COL7A1: variants seen among roughly 807,000 people sequenced by gnomAD.
COL7A1 encodes collagen type VII alpha 1 chain.
A neutral mutation model predicts 456.2 loss-of-function variants in COL7A1; 296 were observed. The observed-to-expected ratio is 0.65, with a 90% CI of 0.59 to 0.71. The LOEUF (loss-of-function observed/expected upper bound fraction) is 0.71. Ranked by LOEUF, COL7A1 falls within the 30% of genes least tolerant of loss-of-function variation. The pLI is 0.00. For synonymous variants in COL7A1, 1,464 were observed against 1,525.9 expected (o/e 0.96, Z 0.95); for missense variants, 3,441 against 4,017.2 (o/e 0.86, Z 3.88).
At chr3:48,577,090 T>C in intron 65 of COL7A1, 63 bp from the exon 66 acceptor site, 1 of 1,593,750 alleles carries the variant, frequency 6.3e-7, no homozygotes, top group South Asian at 1.1e-5. Flanking sequence ...AGACACTACC[T>C]TGCTAGATTT....
At position 48,582,531 on chromosome 3, in the gene COL7A1, G is replaced by A. The variant is rs1459983267; in HGVS notation, c.4564-18C>T. Reference sequence around the variant, plus strand: ...GGTGGCCCCTGAATGTAGAGAAAGTGTGAGCCCAGGAGGGGAAGGGAAAGG... The same window carrying A: ...GGTGGCCCCTGAATGTAGAGAAAGTATGAGCCCAGGAGGGGAAGGGAAAGG... On this transcript the variant is annotated intron_variant, in intron 45 of 118. Coordinates refer to ENST00000681320, the MANE Select transcript of COL7A1 (RefSeq NM_000094.4). 2.5e-6 allele frequency: 4 copies of A among 1,614,034 alleles called. No individual in the cohort carries two copies. In the South Asian group the frequency reaches 3.3e-5, roughly 13 times the overall value.
In COL7A1 at chr3:48,592,195, G is replaced by A. The variant is rs761630796; in HGVS notation, c.1147C>T (p.Arg383Cys). The A allele has an allele frequency of 2.3e-5, 37 of 1,614,088 alleles. No homozygotes were observed. Among genetic ancestry groups the A allele is most frequent in the African/African-American group, 1.2e-4 (9 of 75,054 alleles). The change falls in exon 10 of 119, where the codon CGT (arginine) becomes TGT (cysteine). Residue 383 changes from arginine to cysteine, a missense_variant. By Grantham distance (180) the Arg-to-Cys change is radical. Transcript: ENST00000681320. The surrounding 1 kb of genome is among the most constrained non-coding windows in gnomAD (Gnocchi z 7.6). Reference sequence around the variant, plus strand: ...TAGTCCGTGCCAGGCTCCAAGTCACGCAGCAACACTGAACCCTGCCCAGGG... The same window carrying A: ...TAGTCCGTGCCAGGCTCCAAGTCACACAGCAACACTGAACCCTGCCCAGGG... The part of the protein sequence containing the change: ...LGPGQGSVLL[R>C]DLEPGTDYEV...
chr3:48,590,873 CGATGGCAGT>C lies in COL7A1; in HGVS notation c.1637-66_1637-58del, dbSNP rs2045646075. 1 of 1,527,066 alleles carries C rather than the reference CGATGGCAGT, an allele frequency of 6.5e-7. No individual in the cohort carries two copies. The highest frequency in any genetic ancestry group is 8.9e-7 in the Non-Finnish European group (1 of 1,129,236). The allele number at this position is 1,527,066 out of a possible 1,614,324, so 94.6% of individuals were successfully genotyped here. ...GTCAGAAAGAGACAGGGATGTGGGA[CGATGGCAGT>C]GATGGACAGGGACGCAGAGTGAGAA... On this transcript the variant is annotated intron_variant, in intron 13 of 118. Coordinates refer to ENST00000681320, the MANE Select transcript of COL7A1 (RefSeq NM_000094.4). This position sits in a 1 kb window ranked among gnomAD's most constrained non-coding sequence, Gnocchi z 4.6.
chr3:48,579,463 C>T lies in COL7A1; in HGVS notation c.5271+17G>A. ...TAAGATGGGGACTTGGCAGACGGGG[C>T]AAAGTGCATCACTCACCTGTGGGCC... On this transcript the variant is annotated intron_variant, in intron 60 of 118. Transcript: ENST00000681320. The surrounding 1 kb of genome is among the most constrained non-coding windows in gnomAD (Gnocchi z 4.4). 1 of 1,614,148 alleles carries T rather than the reference C, an allele frequency of 6.2e-7. No homozygotes were observed.
In COL7A1 at chr3:48,593,522, A is replaced by G. The variant is rs2107800926; in HGVS notation, c.426+15T>C. 1 of 1,614,080 alleles carries G rather than the reference A, an allele frequency of 6.2e-7. No homozygotes were observed. Among genetic ancestry groups the G allele is most frequent in the Non-Finnish European group, 8.5e-7 (1 of 1,179,998 alleles). On this transcript the variant is annotated intron_variant, in intron 4 of 118. Coordinates refer to ENST00000681320, the MANE Select transcript of COL7A1 (RefSeq NM_000094.4). The surrounding 1 kb of genome is among the most constrained non-coding windows in gnomAD (Gnocchi z 4.4). Reference sequence around the variant, plus strand: ...TTGGGGTCATCTTGGGAGGCATGGTAGGGGTAGGGATCACCTTGGGGACAC... The same window carrying G: ...TTGGGGTCATCTTGGGAGGCATGGTGGGGGTAGGGATCACCTTGGGGACAC...
Position 48,581,197 on chromosome 3 carries a change from C to A in COL7A1, c.4900-40G>T. 6.2e-7 allele frequency: 1 copy of A among 1,612,648 alleles called. No individual in the cohort carries two copies. The highest frequency in any genetic ancestry group is 8.5e-7 in the Non-Finnish European group (1 of 1,179,474). ...AGTCAGCCCTGGTTCCAAGAACCCC[C>A]ATGATGCTGGCAACAGCCCTACTCC... On this transcript the variant is annotated intron_variant, in intron 52 of 118. Coordinates refer to ENST00000681320, the MANE Select transcript of COL7A1 (RefSeq NM_000094.4). The surrounding 1 kb of genome is among the most constrained non-coding windows in gnomAD (Gnocchi z 5.8).
Position 48,573,912 on chromosome 3 carries a change from G to A in COL7A1, c.6502-22C>T, listed in dbSNP as rs369186629. The A allele has an allele frequency of 1.9e-6, 3 of 1,612,452 alleles. No homozygotes were observed. Among genetic ancestry groups the A allele is most frequent in the African/African-American group, 1.3e-5 (1 of 74,846 alleles). On this transcript the variant is annotated intron_variant, in intron 80 of 118. Coordinates refer to ENST00000681320, the MANE Select transcript of COL7A1 (RefSeq NM_000094.4). This position sits in a 1 kb window ranked among gnomAD's most constrained non-coding sequence, Gnocchi z 5.5. ...GACCCTACATAGAGAGGGCACTGAT[G>A]AGCCTCAATCTGGGCCTCACTTGGG...
chr3:48,590,073 G>A lies in COL7A1; in HGVS notation c.2050+140C>T. 1.1e-6 allele frequency: 1 copy of A among 913,252 alleles called. No homozygotes were observed. Among genetic ancestry groups the A allele is most frequent in the Non-Finnish European group, 1.7e-6 (1 of 605,970 alleles). 56.6% of individuals were successfully genotyped at this position (913,252 alleles called of 1,614,324 possible). A position where few individuals can be genotyped will look rare whatever the true frequency, so the allele number is the denominator to read the frequency against. On this transcript the variant is annotated intron_variant, in intron 16 of 118. Coordinates refer to ENST00000681320, the MANE Select transcript of COL7A1 (RefSeq NM_000094.4). This position sits in a 1 kb window ranked among gnomAD's most constrained non-coding sequence, Gnocchi z 4.6. ...GACAGCTGAAACTGAAGAGGAAGCA[G>A]CGTCTCTGAGGGAGGAGGGAGTGGG...
chr3:48,592,403 C>T lies in COL7A1; in HGVS notation c.1041G>A (p.Trp347Ter). 6.2e-7 allele frequency: 1 copy of T among 1,613,802 alleles called. No homozygotes were observed. The highest frequency in any genetic ancestry group is 8.5e-7 in the Non-Finnish European group (1 of 1,180,034). The change falls in exon 9 of 119, where the codon TGG becomes TGA. Residue 347 changes from tryptophan (W) to a stop codon, truncating the protein, a stop_gained. Coordinates refer to ENST00000681320, the MANE Select transcript of COL7A1 (RefSeq NM_000094.4). LOFTEE classifies it high-confidence loss of function. The surrounding 1 kb of genome is among the most constrained non-coding windows in gnomAD (Gnocchi z 7.6). ...AGCCAGTGGCACCTGGCACACTCCG[C>T]CAGGCCACCAGGAGGCTGTGGGCTG... ...NTTAHSLLVA[W>*]RSVPGATGYR...
Position 48,593,699 on chromosome 3 carries a change from G to A in COL7A1, c.267-3C>T, listed in dbSNP as rs1559441291. On this transcript the variant is annotated splice_polypyrimidine_tract_variant and splice_region_variant and intron_variant, in intron 3 of 118. Transcript: ENST00000681320. The surrounding 1 kb of genome is among the most constrained non-coding windows in gnomAD (Gnocchi z 4.4). ...GTGCATCCAGGCCGAACTCTGTCCT[G>A]TTGGAGGGTAGGGGTGGCAACAGGC... 7 of 1,614,090 alleles carry A rather than the reference G, an allele frequency of 4.3e-6. No individual in the cohort carries two copies. The highest frequency in any genetic ancestry group is 2.7e-5 in the African/African-American group (2 of 74,936).
Position 48,570,070 on chromosome 3 carries a change from G to A in COL7A1, c.7485+64C>T. The A allele has an allele frequency of 6.2e-7, 1 of 1,605,100 alleles. No individual in the cohort carries two copies. Among genetic ancestry groups the A allele is most frequent in the Non-Finnish European group, 8.5e-7 (1 of 1,172,068 alleles). On this transcript the variant is annotated intron_variant, in intron 99 of 118. Transcript: ENST00000681320. This position sits in a 1 kb window ranked among gnomAD's most constrained non-coding sequence, Gnocchi z 5.5. ...TAGGGAGGATGGCAGAGAGTCCTGGGGTACAAAGGGCACAGGCAGGGGACT... is the reference window on the plus strand; with the variant it reads ...TAGGGAGGATGGCAGAGAGTCCTGGAGTACAAAGGGCACAGGCAGGGGACT...
chr3:48,586,497 C>T lies in COL7A1; in HGVS notation c.3404-19G>A, dbSNP rs772787055. 4 of 1,613,748 alleles carry T rather than the reference C, an allele frequency of 2.5e-6. No homozygotes were observed. Among genetic ancestry groups the T allele is most frequent in the South Asian group, 1.1e-5 (1 of 91,072 alleles). On this transcript the variant is annotated intron_variant, in intron 26 of 118. Coordinates refer to ENST00000681320, the MANE Select transcript of COL7A1 (RefSeq NM_000094.4). The surrounding 1 kb of genome is among the most constrained non-coding windows in gnomAD (Gnocchi z 5.1). ...GCTGTGCCTGGAAGGAAGGACATGTCAGAACCCTGGGGCACCAAGCTCCCA... is the reference window on the plus strand; with the variant it reads ...GCTGTGCCTGGAAGGAAGGACATGTTAGAACCCTGGGGCACCAAGCTCCCA...
Position 48,564,956 on chromosome 3 carries a change from T to A in COL7A1, c.8645A>T (p.Glu2882Val), listed in dbSNP as rs1162936871. 1 of 1,614,120 alleles carries A rather than the reference T, an allele frequency of 6.2e-7. No individual in the cohort carries two copies. The highest frequency in any genetic ancestry group is 8.5e-7 in the Non-Finnish European group (1 of 1,179,998). ...CAGGGTGTAGGCAGTGCAGGAGCCC[T>A]CATCCAGTGGCAGGGAACAGGGGTC... ...SDDPCSLPLD[E>V]GSCTAYTLRW... The change falls in exon 118 of 119, where the codon GAG (glutamate) becomes GTG (valine). Residue 2882 changes from glutamate (E) to valine (V), a missense_variant. Physicochemically the swap from Glu to Val is moderately radical, Grantham distance 121. Transcript: ENST00000681320. This position sits in a 1 kb window ranked among gnomAD's most constrained non-coding sequence, Gnocchi z 6.0.
In COL7A1 at chr3:48,564,496, A is replaced by AAG. The variant is rs1452199110; in HGVS notation, c.8819-76_8819-75dup. 135 of 1,575,140 alleles carry AAG rather than the reference A, an allele frequency of 8.6e-5. No homozygotes were observed. The highest frequency in any genetic ancestry group is 1.1e-4 in the Non-Finnish European group (130 of 1,148,596). ...GAGACGCTCAGGCAGAGGCACCGCC[A>AAG]AGGGGAGGGAGCGGAGGCTACAACA... On this transcript the variant is annotated intron_variant, in intron 118 of 118. Coordinates refer to ENST00000681320, the MANE Select transcript of COL7A1 (RefSeq NM_000094.4). This position sits in a 1 kb window ranked among gnomAD's most constrained non-coding sequence, Gnocchi z 6.0.
In COL7A1 at chr3:48,572,126, C is replaced by G; in HGVS notation, c.7023+1G>C. On this transcript the variant is annotated splice_donor_variant, in intron 91 of 118. Transcript: ENST00000681320. LOFTEE classifies it high-confidence loss of function. The surrounding 1 kb of genome is among the most constrained non-coding windows in gnomAD (Gnocchi z 4.6). ...CAGGCCCCAGGGCCAACCCACCTCA[C>G]CTTCTCGCCTCGCGGCCCTGGCAGT... 6.2e-7 allele frequency: 1 copy of G among 1,614,082 alleles called. No homozygotes were observed. Among genetic ancestry groups the G allele is most frequent in the Non-Finnish European group, 8.5e-7 (1 of 1,179,998 alleles).
rs147017402 is a variant in COL7A1, at chr3:48,588,780, T to C, written c.2449A>G (p.Met817Val). The C allele has an allele frequency of 2.4e-4, 394 of 1,613,802 alleles. No individual in the cohort carries two copies. Among genetic ancestry groups the C allele is most frequent in the Non-Finnish European group, 2.8e-4 (328 of 1,180,018 alleles). Residue 817 changes from methionine to valine, a missense_variant, in exon 20 of 119, where the codon ATG becomes GTG. By Grantham distance (21) the Met-to-Val change is conservative. Transcript: ENST00000681320. This position sits in a 1 kb window ranked among gnomAD's most constrained non-coding sequence, Gnocchi z 4.6. ...LAWGRSEGGPMRHQILPGNTD... is the reference protein window; with the variant it reads ...LAWGRSEGGPVRHQILPGNTD... Reference sequence around the variant, plus strand: ...TTTCCTGGGAGTATCTGGTGCCTCATGGGGCCGCCTGGCCAGGTGGGCATA... The same window carrying C: ...TTTCCTGGGAGTATCTGGTGCCTCACGGGGCCGCCTGGCCAGGTGGGCATA...
Position 48,591,922 on chromosome 3 carries a change from G to C in COL7A1, c.1333C>G (p.Arg445Gly), listed in dbSNP as rs1470954674. ...WNLVPEARGY[R>G]LEWRRETGLE... is the part of the protein sequence containing the mutation. ...CCAGTCTCACGCCGCCATTCCAACCGGTAGCCACGGGCCTCAGGCACCAAG... is the reference window on the plus strand; with the variant it reads ...CCAGTCTCACGCCGCCATTCCAACCCGTAGCCACGGGCCTCAGGCACCAAG... Residue 445 changes from arginine to glycine, a missense_variant, in exon 11 of 119, where the codon CGG becomes GGG. Around this residue, in one of 3 missense-constraint regions of COL7A1, gnomAD observed 913 missense variants for 1,088.2 expected, o/e 0.84. Transcript: ENST00000681320. This position sits in a 1 kb window ranked among gnomAD's most constrained non-coding sequence, Gnocchi z 7.0. 3.1e-6 allele frequency: 5 copies of C among 1,614,140 alleles called. No homozygotes were observed. Among genetic ancestry groups the C allele is most frequent in the Non-Finnish European group, 3.4e-6 (4 of 1,180,014 alleles).
chr3:48,591,466 T>C lies in COL7A1; in HGVS notation c.1634A>G (p.Gln545Arg), dbSNP rs755721301. The C allele has an allele frequency of 1.2e-6, 2 of 1,613,334 alleles. No homozygotes were observed. The highest frequency in any genetic ancestry group is 2.7e-5 in the African/African-American group (2 of 74,880). The change falls in exon 13 of 119, where the codon CAG (glutamine) becomes CGG (arginine). Residue 545 changes from glutamine (Q) to arginine (R), a missense_variant and splice_region_variant. Around this residue, in one of 3 missense-constraint regions of COL7A1, gnomAD observed 913 missense variants for 1,088.2 expected, o/e 0.84. Transcript: ENST00000681320. The surrounding 1 kb of genome is among the most constrained non-coding windows in gnomAD (Gnocchi z 7.0). ...GGTGCTGGCTGCGTCCACCTCACCC[T>C]GGGTGCTGCGCACAATGATGCGGTA... ...TQYRIIVRST[Q>R]GVERTLVLPG...
At position 48,572,371 on chromosome 3, in the gene COL7A1, C is replaced by G; in HGVS notation, c.6978+9G>C. The G allele has an allele frequency of 6.2e-7, 1 of 1,614,094 alleles. No homozygotes were observed. The highest frequency in any genetic ancestry group is 8.5e-7 in the Non-Finnish European group (1 of 1,180,000). On this transcript the variant is annotated intron_variant, in intron 90 of 118. Coordinates refer to ENST00000681320, the MANE Select transcript of COL7A1 (RefSeq NM_000094.4). The surrounding 1 kb of genome is among the most constrained non-coding windows in gnomAD (Gnocchi z 4.6). ...CCAGAACATCTGCTGTCAGAAGTTC[C>G]CTACTTACCGGCTCACCCACCAGGT... is the stretch of plus-strand genomic sequence containing the variant.
Sources: gnomAD v4.1 joint callset for allele counts on GRCh38, gnomAD v4.1.1 for gene constraint, gnomAD v4.1.1 regional missense constraint, Gnocchi (gnomAD v3.1) non-coding constraint, MANE v1.5 for transcripts, NCBI Gene and HGNC (gene_info 2026-07-23, HGNC 2026-07-21) for gene names.